Variants in AKT2 observed in about 807,000 individuals in gnomAD.
AKT2 encodes the protein RAC-beta serine/threonine-protein kinase.
Under a neutral mutation model 58.6 loss-of-function variants are expected in AKT2, and 16 were observed. The observed-to-expected ratio is 0.27, with a 90% CI of 0.18 to 0.41. The LOEUF (loss-of-function observed/expected upper bound fraction) is 0.41. AKT2 is among the 10% of genes least tolerant of loss of function. The probability of loss-of-function intolerance (pLI) is 1.00; values close to 1 mark genes in which losing one functional copy is unlikely to be tolerated. For missense variants in AKT2, 438 were observed against 661.0 expected (o/e 0.66, Z 3.70); for synonymous variants, 253 against 254.0 (o/e 1.00, Z 0.04).
chr19:40,260,332 T>C (rs1275903284), intron 2 of AKT2, among the ~76,000 whole-genome samples: 4 of 150,336 alleles, frequency 2.7e-5, no homozygotes, highest in Non-Finnish European at 5.9e-5. Flanking sequence ...AAGTTAAATA[T>C]AGAATATATC....
intron 4 of AKT2, among the ~76,000 whole-genome samples, chr19:40,251,154 T>C (rs899641382): frequency 4.0e-5 from 6 of 151,830 alleles, no homozygotes; most frequent in African/African-American, 1.5e-4. Flanking sequence ...CAGTGAGCTA[T>C]GATTGCACCG....
chr19:40,277,995 C>T (rs2077357357), intron 1 of AKT2, among the ~76,000 whole-genome samples: 1 of 152,184 alleles, frequency 6.6e-6, no homozygotes, highest in Non-Finnish European at 1.5e-5. Context: ...CCCCTGGGCC[C>T]CCCTTGGGAG....
At chr19:40,265,027 C>CAGAT (rs1976243801) in intron 2 of AKT2, among the ~76,000 whole-genome samples, 195 bp downstream of exon 2, 1 of 152,236 alleles carries the variant, frequency 6.6e-6, no homozygotes, top group Non-Finnish European at 1.5e-5. Context: ...CATGCACAGT[C>CAGAT]AGATCCCTGC....
intron 4 of AKT2, among the ~76,000 whole-genome samples, chr19:40,252,402 G>A (rs957367819): frequency 1.3e-5 from 2 of 152,182 alleles, no homozygotes; most frequent in African/African-American, 4.8e-5. Context: ...CTTGGTAAAG[G>A]AAAGGGCATG....
intron 1 of AKT2, among the ~76,000 whole-genome samples, chr19:40,283,547 C>T (rs532283681): frequency 1.3e-5 from 2 of 152,350 alleles, no homozygotes; most frequent in African/African-American, 2.4e-5. Flanking sequence ...ACCACATCAC[C>T]AGCCCAGGTC....
At chr19:40,239,091 C>G (rs1974216211) in intron 7 of AKT2, 118 bp from the exon 8 acceptor site, 1 of 996,486 alleles carries the variant, frequency 1.0e-6, no homozygotes, top group Non-Finnish European at 1.5e-6. Context: ...CTGGCTGGGG[C>G]CCCCAGGAGT....
chr19:40,249,944 G>T (rs1649309776), intron 4 of AKT2, among the ~76,000 whole-genome samples: 1 of 152,200 alleles, frequency 6.6e-6, no homozygotes, highest in African/African-American at 2.4e-5. Flanking sequence ...GTGGAGTCGG[G>T]GAGAGCTGTG....
chr19:40,234,251 G>A lies in AKT2; in HGVS notation c.1367-300C>T, dbSNP rs1473918062. Among the ~76,000 whole-genome samples, 1 of 152,134 alleles carries A rather than the reference G, an allele frequency of 6.6e-6. No individual in the cohort carries two copies. The stretch of plus-strand genomic sequence containing the variant: ...CCACCATGCCAGAGTCCAGCCCAGA[G>A]CCCTGTCCTGGCCTGCCTCTCGCAC... On this transcript the variant is annotated intron_variant, in intron 13 of 13. Transcript: ENST00000392038. The surrounding 1 kb of genome is among the most constrained non-coding windows in gnomAD (Gnocchi z 4.7).
chr19:40,258,250 AAAAAAAAAAAAAAC>A (rs1422803841), intron 2 of AKT2, among the ~76,000 whole-genome samples: 1 of 151,178 alleles, frequency 6.6e-6, no homozygotes, highest in African/African-American at 2.4e-5. Context: ...GTCTCGAAAA[AAAAAAAAAAAAAAC>A]AAAAAAAAAA....
chr19:40,251,483 C>G (rs189661348), intron 4 of AKT2, among the ~76,000 whole-genome samples: 34 of 151,960 alleles, frequency 2.2e-4, no homozygotes, highest in African/African-American at 6.0e-4. Context: ...GTAAACAACA[C>G]CAAAAGGCAA....
intron 2 of AKT2, among the ~76,000 whole-genome samples, chr19:40,262,988 C>T (rs1255856346): frequency 6.6e-6 from 1 of 152,200 alleles, no homozygotes. Context: ...TGCAGGTGTG[C>T]ACAAGCGTGT....
chr19:40,252,654 A>G (rs1164455384), intron 4 of AKT2, among the ~76,000 whole-genome samples: 1 of 152,042 alleles, frequency 6.6e-6, no homozygotes, highest in East Asian at 1.9e-4. Flanking sequence ...GAGCGCCTCC[A>G]CTTCCCCTCT....
At position 40,234,453 on chromosome 19, in the gene AKT2, A is replaced by C. The variant is rs1973886037; in HGVS notation, c.1367-502T>G. The C allele has an allele frequency of 1.8e-5, 4 of 221,458 alleles. No homozygotes were observed. Among genetic ancestry groups the C allele is most frequent in the South Asian group, 9.9e-5 (1 of 10,102 alleles). 13.7% of individuals were successfully genotyped at this position (221,458 alleles called of 1,614,324 possible). On this transcript the variant is annotated intron_variant, in intron 13 of 13. Coordinates refer to ENST00000392038, the MANE Select transcript of AKT2 (RefSeq NM_001626.6). This position sits in a 1 kb window ranked among gnomAD's most constrained non-coding sequence, Gnocchi z 4.7. ...CCCCATGCCCTCTCTTCTCACCACC[A>C]TCTCCCTGGCTGCTGCCGGTCCTTA...
rs748730960 is a variant in AKT2, at chr19:40,276,011, C to CA, written c.-85+9169dup. Among the ~76,000 whole-genome samples, 459 of 107,034 alleles carry CA rather than the reference C, an allele frequency of 4.3e-3. 1 individual carries two copies. The highest frequency in any genetic ancestry group is 8.2e-3 in the African/African-American group (237 of 28,974). 70.2% of individuals were successfully genotyped at this position (107,034 alleles called of 152,430 possible). Reference sequence around the variant, plus strand: ...TGGGTGACAGAGCAAGACTCCGTCTCAAAAAAAAAAAAAAAAGTCCATACA... The same window carrying CA: ...TGGGTGACAGAGCAAGACTCCGTCTCAAAAAAAAAAAAAAAAAGTCCATACA... On this transcript the variant is annotated intron_variant, in intron 1 of 13. Coordinates refer to ENST00000392038, the MANE Select transcript of AKT2 (RefSeq NM_001626.6).
chr19:40,275,791 G>A (rs374718585), intron 1 of AKT2, among the ~76,000 whole-genome samples: 2 of 126,614 alleles, frequency 1.6e-5, no homozygotes, highest in Non-Finnish European at 1.7e-5. Flanking sequence ...GGCGGGGGGC[G>A]ATCACAAGGT....
chr19:40,258,231 C>T (rs1021169155), intron 2 of AKT2, among the ~76,000 whole-genome samples: 3 of 119,912 alleles, frequency 2.5e-5, no homozygotes, highest in Non-Finnish European at 4.8e-5. Flanking sequence ...GCAACAAGAG[C>T]GAAACTCCGT....
At chr19:40,255,084 C>T (rs1266658243) in intron 4 of AKT2, 74 bp downstream of exon 4, 14 of 1,241,550 alleles carry the variant, frequency 1.1e-5, no homozygotes, top group Non-Finnish European at 1.5e-5. Flanking sequence ...GGGAAAATCT[C>T]TCCAGCTGTA....
chr19:40,282,203 C>A, intron 1 of AKT2: 1 of 236,720 alleles, frequency 4.2e-6, no homozygotes, highest in South Asian at 4.0e-5. Flanking sequence ...TCATGACTGC[C>A]AACCAAGACT....
rs757245351 is a variant in AKT2, at chr19:40,237,997, G to A, written c.803C>T (p.Ser268Leu). 2.0e-5 allele frequency: 33 copies of A among 1,613,444 alleles called. No individual in the cohort carries two copies. Among genetic ancestry groups the A allele is most frequent in the Admixed American group, 1.2e-4 (7 of 59,918 alleles). ...GATGTCGCGGTATACCACGTCCCGC[G>A]AGTGCAAGTACTCAAGAGCCGAGAC... ...EIVSALEYLH[S>L]RDVVYRDIKL... is the part of the protein sequence containing the mutation. The change falls in exon 9 of 14, where the codon TCG (serine) becomes TTG (leucine). Residue 268 changes from serine to leucine, a missense_variant. This residue lies in a region of AKT2 where 46 missense variants were observed against 114.5 expected (regional missense o/e 0.40). Coordinates refer to ENST00000392038, the MANE Select transcript of AKT2 (RefSeq NM_001626.6). The surrounding 1 kb of genome is among the most constrained non-coding windows in gnomAD (Gnocchi z 4.5).
Sources: gnomAD v4.1 joint callset for allele counts (sites outside exome capture counted in the v4.1 genomes callset) on GRCh38, gnomAD v4.1.1 for gene constraint, gnomAD v4.1.1 regional missense constraint, Gnocchi (gnomAD v3.1) non-coding constraint, MANE v1.5 for transcripts, NCBI Gene and HGNC (gene_info 2026-07-23, HGNC 2026-07-21) for gene names.